DPP6: variants seen among roughly 807,000 people sequenced by gnomAD.
DPP6 encodes the protein A-type potassium channel modulatory protein DPP6.
DPP6 carries 69 observed loss-of-function variants against 122.6 expected under a neutral mutation model. The ratio of observed to expected loss-of-function variants is 0.56; its 90% confidence interval spans 0.46 to 0.69. The LOEUF (loss-of-function observed/expected upper bound fraction) is 0.69. Among genes scored for constraint, DPP6 ranks in the 30% least tolerant of loss-of-function variants. The probability of loss-of-function intolerance (pLI) is 0.00; values close to 1 mark genes in which losing one functional copy is unlikely to be tolerated. For synonymous variants in DPP6, 418 were observed against 433.1 expected (o/e 0.97, Z 0.43); for missense variants, 928 against 1,116.9 (o/e 0.83, Z 2.41).
chr7:154,891,569 C>A (rs1806612103), intron 25 of DPP6, among the ~76,000 whole-genome samples: 1 of 152,100 alleles, frequency 6.6e-6, no homozygotes, highest in Non-Finnish European at 1.5e-5. Context: ...CCCGTGGGCA[C>A]CCAGGACAGC....
At chr7:153,910,086 A>G (rs1800015562) in intron 1 of DPP6, among the ~76,000 whole-genome samples, 4 of 152,154 alleles carry the variant, frequency 2.6e-5, no homozygotes, top group Non-Finnish European at 4.4e-5. Flanking sequence ...TGCTCCGTGA[A>G]TGTAATACAC....
chr7:153,984,211 G>C (rs1329228156), intron 1 of DPP6, among the ~76,000 whole-genome samples: 1 of 152,072 alleles, frequency 6.6e-6, no homozygotes, highest in Non-Finnish European at 1.5e-5. Flanking sequence ...CAATTGTTAG[G>C]TCAGAGCTAT....
intron 1 of DPP6, among the ~76,000 whole-genome samples, chr7:154,372,783 C>T (rs543820446): frequency 1.3e-5 from 2 of 152,300 alleles, no homozygotes; most frequent in South Asian, 2.1e-4. Flanking sequence ...CTGTGAGGCA[C>T]GTCCAGGACC....
intron 1 of DPP6, among the ~76,000 whole-genome samples, chr7:153,935,537 A>G (rs1801395690): frequency 6.6e-6 from 1 of 152,168 alleles, no homozygotes; most frequent in African/African-American, 2.4e-5. Context: ...CCTCTCGATT[A>G]TGATCCAGGC....
intron 1 of DPP6, among the ~76,000 whole-genome samples, chr7:153,905,626 C>CTTAG (rs147313142): frequency 0.19 from 28,307 of 151,816 alleles, 3,265 homozygotes; most frequent in Middle Eastern, 0.26. Context: ...TGGCAATTTG[C>CTTAG]TACTACAGTG....
chr7:154,492,609 A>G (rs1256975506), intron 3 of DPP6, among the ~76,000 whole-genome samples: 1 of 152,118 alleles, frequency 6.6e-6, no homozygotes, highest in Admixed American at 6.6e-5. Flanking sequence ...CTCATTTGAT[A>G]TTCACAACCA....
chr7:153,914,355 G>A (rs1800217172), intron 1 of DPP6, among the ~76,000 whole-genome samples: 1 of 152,124 alleles, frequency 6.6e-6, no homozygotes. Context: ...AGTAGCATGA[G>A]AACAGACTAA....
the DPP6 span, among the ~76,000 whole-genome samples, chr7:153,809,187 A>T: frequency 6.6e-6 from 1 of 152,056 alleles, no homozygotes; most frequent in Admixed American, 6.5e-5. Context: ...GCATCTCCGT[A>T]TGTCTTCTTT....
chr7:154,583,810 T>C (rs1261563459), intron 5 of DPP6, among the ~76,000 whole-genome samples: 3 of 152,152 alleles, frequency 2.0e-5, no homozygotes. Context: ...CCGGGGAACG[T>C]AGAGGGCCCT....
intron 18 of DPP6, among the ~76,000 whole-genome samples, chr7:154,869,132 A>G (rs1398566726): frequency 6.6e-6 from 1 of 152,130 alleles, no homozygotes; most frequent in South Asian, 2.1e-4. Context: ...CTGAAAGGGC[A>G]GGGGGAGGAG....
chr7:154,671,606 C>G (rs1484536802), intron 7 of DPP6, among the ~76,000 whole-genome samples: 2 of 152,026 alleles, frequency 1.3e-5, no homozygotes, highest in East Asian at 1.9e-4. Flanking sequence ...GAAATTTAAC[C>G]CACAACTGTA....
At chr7:154,565,434 A>G (rs895132986) in intron 4 of DPP6, among the ~76,000 whole-genome samples, 5 of 152,198 alleles carry the variant, frequency 3.3e-5, no homozygotes, top group African/African-American at 1.2e-4. Flanking sequence ...AAAGATCACT[A>G]CTCAATCAAA....
At chr7:153,897,852 C>A (rs1476823053) in intron 1 of DPP6, among the ~76,000 whole-genome samples, 3 of 152,186 alleles carry the variant, frequency 2.0e-5, no homozygotes, top group Non-Finnish European at 4.4e-5. Flanking sequence ...CACAAGTGTT[C>A]CCCTTTCTCC....
At chr7:153,948,102 C>G (rs1802031253) in intron 1 of DPP6, among the ~76,000 whole-genome samples, 1 of 152,078 alleles carries the variant, frequency 6.6e-6, no homozygotes, top group Non-Finnish European at 1.5e-5. Context: ...AGCTCATATT[C>G]TGAGGTATTG....
chr7:154,080,623 C>T lies in DPP6; in HGVS notation c.243+27560C>T, dbSNP rs189920929. Reference sequence around the variant, plus strand: ...CTGGGAGTAAGAGTGCAGAGATCTACCTGTCTTGGTGCCACCCAAGGTCAT... The same window carrying T: ...CTGGGAGTAAGAGTGCAGAGATCTATCTGTCTTGGTGCCACCCAAGGTCAT... On this transcript the variant is annotated intron_variant, in intron 1 of 25. Transcript: ENST00000377770. Among the ~76,000 whole-genome samples, 6 of 152,276 alleles carry T rather than the reference C, an allele frequency of 3.9e-5. No individual in the cohort carries two copies. The East Asian group carries it at 1.2e-3, about 29-fold the overall frequency.
At chr7:154,299,291 G>A (rs1293619687) in intron 1 of DPP6, among the ~76,000 whole-genome samples, 2 of 152,196 alleles carry the variant, frequency 1.3e-5, no homozygotes, top group Non-Finnish European at 2.9e-5. Context: ...CAGCATTTAA[G>A]TAATGGGCGT....
At chr7:154,051,246 C>A (rs1186608688), upstream of DPP6, among the ~76,000 whole-genome samples, 5 of 112,338 alleles carry the variant, frequency 4.5e-5, no homozygotes, top group Non-Finnish European at 9.8e-5. Flanking sequence ...TGGGCAGGGT[C>A]GGGTCTCACA....
At chr7:153,847,761 T>C in the DPP6 span, among the ~76,000 whole-genome samples, 3 of 152,212 alleles carry the variant, frequency 2.0e-5, no homozygotes, top group African/African-American at 7.2e-5. Flanking sequence ...TCCAGTTTTT[T>C]TCATCCATCT....
intron 8 of DPP6, among the ~76,000 whole-genome samples, chr7:154,767,159 G>A (rs546229836): frequency 1.3e-5 from 2 of 152,156 alleles, no homozygotes; most frequent in African/African-American, 4.8e-5. Flanking sequence ...GGATTTTCCC[G>A]AGTCGGCTGT....
Sources: allele counts gnomAD v4.1 joint callset (sites outside exome capture counted in the v4.1 genomes callset), GRCh38; gene constraint gnomAD v4.1.1; transcripts MANE v1.5; gene names NCBI Gene and HGNC (gene_info 2026-07-23, HGNC 2026-07-21).